The following PDE1C variants were observed in gnomAD, a reference collection of about 807,000 sequenced individuals.
PDE1C encodes the protein dual specificity calcium/calmodulin-dependent 3',5'-cyclic nucleotide phosphodiesterase 1C.
Under a neutral mutation model 93.1 loss-of-function variants are expected in PDE1C, and 62 were observed. That is an observed-to-expected ratio of 0.67 (90% CI 0.54 to 0.82). The LOEUF (loss-of-function observed/expected upper bound fraction) is 0.82, where lower values mean the gene tolerates loss of function less well. Among genes scored for constraint, PDE1C ranks in the 40% least tolerant of loss-of-function variants. The pLI, the probability that PDE1C is intolerant of heterozygous loss-of-function variation, is 0.00. For missense variants in PDE1C, 742 were observed against 884.6 expected, an observed-to-expected ratio of 0.84 and a Z score of 2.04; for synonymous variants, 325 against 310.1, an observed-to-expected ratio of 1.05 and a Z score of -0.50.
At chr7:31,702,931 T>C in the PDE1C span, among the ~76,000 whole-genome samples, 1 of 152,224 alleles carries the variant, frequency 6.6e-6, no homozygotes, top group Non-Finnish European at 1.5e-5. Context: ...AAAATATTTA[T>C]GGGCAGGGAG....
chr7:31,943,823 CACCAATGAAAAAACGGCCAGTTCAGA>C (rs1806186471), intron 2 of PDE1C, among the ~76,000 whole-genome samples: 1 of 152,028 alleles, frequency 6.6e-6, no homozygotes, highest in African/African-American at 2.4e-5. Flanking sequence ...GTTGAATCCC[CACCAATGAAAAAACGGCCAGTTCAGA>C]ACTATGGCAG....
chr7:31,812,987 G>A (rs1787735641), intron 15 of PDE1C, among the ~76,000 whole-genome samples: 1 of 151,982 alleles, frequency 6.6e-6, no homozygotes, highest in East Asian at 1.9e-4. Context: ...CCCACAACAT[G>A]GGAATGAGTT....
At chr7:31,937,458 T>C (rs761480197) in intron 2 of PDE1C, among the ~76,000 whole-genome samples, 12 of 152,298 alleles carry the variant, frequency 7.9e-5, no homozygotes, top group Admixed American at 2.6e-4. Context: ...ATCAATTGTG[T>C]CTAAACTCCA....
Position 32,070,298 on chromosome 7 carries a change from G to A in PDE1C, c.96C>T (p.Arg32=), listed in dbSNP as rs756223082. 2 of 1,614,170 alleles carry A rather than the reference G, an allele frequency of 1.2e-6. No homozygotes were observed. Among genetic ancestry groups the A allele is most frequent in the East Asian group, 2.2e-5 (1 of 44,880 alleles). ...AAGTAAATAGGTATACTTACAGCCC[G>A]CGGAGCCGAAGCCAGATTTTCTCGA... ...EQIEKIWLRL[R]GLRKYKKTSQ... Residue 32 remains arginine (R), a synonymous_variant, in exon 1 of 18, where the codon CGC becomes CGT. Transcript: ENST00000396191.
chr7:31,778,453 T>C (rs1159032992), intron 16 of PDE1C, among the ~76,000 whole-genome samples: 1 of 152,178 alleles, frequency 6.6e-6, no homozygotes, highest in Non-Finnish European at 1.5e-5. Context: ...TTCTTTGTGG[T>C]GGGGGCTGTC....
At chr7:32,390,011 A>T (rs1784720904) in intron 1 of PDE1C, among the ~76,000 whole-genome samples, 1 of 152,342 alleles carries the variant, frequency 6.6e-6, no homozygotes, top group Non-Finnish European at 1.5e-5. Flanking sequence ...ACCAAGTGAT[A>T]ACTCAAATCC....
At chr7:31,656,521 G>A in the PDE1C span, 4 of 894,820 alleles carry the variant, frequency 4.5e-6, no homozygotes, top group South Asian at 1.1e-4. Flanking sequence ...TCTTCCTTCT[G>A]TTGAAAAGAA....
At position 32,223,495 on chromosome 7, in the gene PDE1C, C is replaced by T. The variant is rs538989735; in HGVS notation, c.86-13956G>A. On this transcript the variant is annotated intron_variant, in intron 1 of 18. Coordinates refer to the PDE1C transcript ENST00000396193. ...TGAATCACTGCCACTCTGCCCCTTA[C>T]AGAGCTCATCGCTTGCACAGCTGCC... Among the ~76,000 whole-genome samples, 38 of 152,340 alleles carry T rather than the reference C, an allele frequency of 2.5e-4. 1 individual carries two copies. Among genetic ancestry groups the T allele is most frequent in the African/African-American group, 9.1e-4 (38 of 41,586 alleles).
intron 2 of PDE1C, among the ~76,000 whole-genome samples, chr7:31,942,722 C>G (rs1806022282): frequency 6.6e-6 from 1 of 152,122 alleles, no homozygotes; most frequent in Non-Finnish European, 1.5e-5. Flanking sequence ...TGGATTAAAT[C>G]TATCTTGATG....
At chr7:31,661,462 C>T in the PDE1C span, among the ~76,000 whole-genome samples, 64 of 152,168 alleles carry the variant, frequency 4.2e-4, no homozygotes, top group African/African-American at 1.5e-3. Flanking sequence ...CCTGTAATCC[C>T]AGCACTTTGG....
intron 3 of PDE1C, among the ~76,000 whole-genome samples, chr7:32,096,774 G>A (rs1797765824): frequency 6.6e-6 from 1 of 151,898 alleles, no homozygotes; most frequent in East Asian, 1.9e-4. Context: ...GGACAAATTT[G>A]TATTAGTCAG....
At chr7:31,886,827 T>TTTCGGATCTAC (rs1562972442) in intron 2 of PDE1C, among the ~76,000 whole-genome samples, 39 of 137,334 alleles carry the variant, frequency 2.8e-4, no homozygotes, top group African/African-American at 9.7e-4. Flanking sequence ...TTCGGATCTT[T>TTTCGGATCTAC]TCAGAATAGA....
intron 1 of PDE1C, among the ~76,000 whole-genome samples, chr7:32,374,283 G>GAAAGAAAGAA (rs1554314037): frequency 6.7e-6 from 1 of 148,790 alleles, no homozygotes. Context: ...AAGAAAGAAA[G>GAAAGAAAGAA]AAAGAAAGAA....
intron 7 of PDE1C, among the ~76,000 whole-genome samples, chr7:31,855,929 T>C (rs186513193): frequency 1.1e-4 from 16 of 152,132 alleles, no homozygotes; most frequent in South Asian, 8.3e-4. Flanking sequence ...TAGAATCTAA[T>C]GAACATCTAT....
intron 1 of PDE1C, among the ~76,000 whole-genome samples, chr7:32,338,774 T>G (rs538241518): frequency 6.6e-6 from 1 of 151,972 alleles, no homozygotes; most frequent in Non-Finnish European, 1.5e-5. Context: ...GAGGCCGAGG[T>G]GGGCGGATCA....
intron 9 of PDE1C, among the ~76,000 whole-genome samples, chr7:31,839,644 A>G (rs971173653): frequency 1.3e-5 from 2 of 152,354 alleles, no homozygotes; most frequent in South Asian, 2.1e-4. Flanking sequence ...TACTATGGGT[A>G]TTCATACATA....
intron 2 of PDE1C, among the ~76,000 whole-genome samples, chr7:31,969,598 T>A (rs1320522972): frequency 6.6e-6 from 1 of 152,188 alleles, no homozygotes; most frequent in Non-Finnish European, 1.5e-5. Context: ...TCCTCAGGGA[T>A]CTGGAACTAG....
chr7:32,213,746 A>T (rs559185814), intron 1 of PDE1C, among the ~76,000 whole-genome samples: 1 of 152,342 alleles, frequency 6.6e-6, no homozygotes, highest in South Asian at 2.1e-4. Flanking sequence ...AAGAATGATT[A>T]TGTAGGTTTA....
chr7:31,767,386 T>A (rs2128618158), intron 17 of PDE1C, among the ~76,000 whole-genome samples: 1 of 152,230 alleles, frequency 6.6e-6, no homozygotes, highest in Admixed American at 6.5e-5. Flanking sequence ...TGATATTGAG[T>A]GATTCCTCAT....
Sources: allele counts gnomAD v4.1 joint callset (sites outside exome capture counted in the v4.1 genomes callset), GRCh38; gene constraint gnomAD v4.1.1; transcripts MANE v1.5; gene names NCBI Gene and HGNC (gene_info 2026-07-23, HGNC 2026-07-21).